Variants in PLIN3 observed in about 807,000 individuals in gnomAD.
The protein encoded by PLIN3 is perilipin 3, also known as perilipin-3.
Under a neutral mutation model 35.9 loss-of-function variants are expected in PLIN3, and 30 were observed. The ratio of observed to expected loss-of-function variants is 0.84; its 90% CI spans 0.62 to 1.13. PLIN3 has a LOEUF of 1.13. PLIN3 is among the 50% of genes most tolerant of loss of function. The pLI, the probability that PLIN3 is intolerant of heterozygous loss-of-function variation, is 0.00. For missense variants in PLIN3, 603 were observed against 596.9 expected, an observed-to-expected ratio of 1.01 and a Z score of -0.11; for synonymous variants, 261 against 262.5, an observed-to-expected ratio of 0.99 and a Z score of 0.06.
intron 7 of PLIN3, among the ~76,000 whole-genome samples, chr19:4,844,388 C>A (rs1435169988): frequency 2.0e-5 from 3 of 152,050 alleles, no homozygotes; most frequent in Non-Finnish European, 4.4e-5. Context: ...ATCACTCGAA[C>A]CCAGGAGGTG....
rs1308071705 is a variant in PLIN3 at position 4,859,669 on chromosome 19, G to A, written c.269C>T (p.Ala90Val). ...PILSKLEPQI[A>V]SASEYAHRGL... is the part of the protein sequence containing the mutation. Reference sequence around the variant, plus strand: ...CCTGTGGGCGTATTCGCTGGCTGATGCAACTGCCAACAACAATTAAGACGC... The same window carrying A: ...CCTGTGGGCGTATTCGCTGGCTGATACAACTGCCAACAACAATTAAGACGC... Residue 90 changes from alanine (A) to valine (V), a missense_variant, in exon 4 of 8, where the codon GCA becomes GTA. By Grantham distance (64) the Ala-to-Val change is moderately conservative. Coordinates refer to ENST00000221957, the MANE Select transcript of PLIN3 (RefSeq NM_005817.5). 8 of 1,613,904 alleles carry A rather than the reference G, an allele frequency of 5.0e-6. No homozygotes were observed. Among genetic ancestry groups the A allele is most frequent in the Non-Finnish European group, 6.8e-6 (8 of 1,179,924 alleles).
In PLIN3 at chr19:4,839,523, C is replaced by T. The variant is rs369340676; in HGVS notation, c.974G>A (p.Arg325Gln). 3.8e-4 allele frequency: 584 copies of T among 1,525,200 alleles called. 9 individuals are homozygous for T. The South Asian group carries it at 6.2e-3, about 16-fold the overall frequency. 94.5% of individuals were successfully genotyped at this position (1,525,200 alleles called of 1,614,324 possible). The change falls in exon 8 of 8, where the codon CGG becomes CAG. Residue 325 changes from arginine (R) to glutamine (Q), a missense_variant. Physicochemically the swap from Arg to Gln is conservative, Grantham distance 43. Transcript: ENST00000221957. ...EPPKPEQVESRALTMFRDIAQ... is the reference protein window; with the variant it reads ...EPPKPEQVESQALTMFRDIAQ... Reference sequence around the variant, plus strand: ...AATGTCCCGGAACATGGTGAGCGCCCGGGACTCGACCTGCTGAGAAGGGAG... The same window carrying T: ...AATGTCCCGGAACATGGTGAGCGCCTGGGACTCGACCTGCTGAGAAGGGAG...
At chr19:4,849,077 A>T (rs2030200937) in intron 5 of PLIN3, among the ~76,000 whole-genome samples, 1 of 150,920 alleles carries the variant, frequency 6.6e-6, no homozygotes, top group Non-Finnish European at 1.5e-5. Context: ...CTATCCTTCA[A>T]CCTTGGCCTC....
chr19:4,856,086 C>G (rs2146209860), intron 4 of PLIN3, among the ~76,000 whole-genome samples: 1 of 152,088 alleles, frequency 6.6e-6, no homozygotes, highest in East Asian at 1.9e-4. Context: ...AGCTGCCTGT[C>G]CCTGCAGGTG....
At chr19:4,855,594 G>A (rs1047775273) in intron 4 of PLIN3, among the ~76,000 whole-genome samples, 2 of 152,190 alleles carry the variant, frequency 1.3e-5, no homozygotes, top group East Asian at 3.9e-4. Flanking sequence ...CCAGGAGTTT[G>A]TTTTTTGTTT....
In PLIN3 at chr19:4,844,663, G is replaced by A. The variant is rs1222230549; in HGVS notation, c.960+5C>T. On this transcript the variant is annotated splice_donor_5th_base_variant and intron_variant, in intron 7 of 7. Coordinates refer to ENST00000221957, the MANE Select transcript of PLIN3 (RefSeq NM_005817.5). ...TAGGCCACCCCCCAGTCCCCTCATG[G>A]GTACCTCTGGCTTGGGCGGCTCCTT... is the stretch of plus-strand genomic sequence containing the variant. 6.2e-7 allele frequency: 1 copy of A among 1,607,270 alleles called. No homozygotes were observed. Among genetic ancestry groups the A allele is most frequent in the Non-Finnish European group, 8.5e-7 (1 of 1,177,514 alleles).
intron 4 of PLIN3, among the ~76,000 whole-genome samples, chr19:4,856,529 G>C (rs1008539122): frequency 2.7e-4 from 41 of 151,514 alleles, no homozygotes; most frequent in Middle Eastern, 3.4e-3. Flanking sequence ...TTGCACTCCA[G>C]CCTGGGCAAC....
chr19:4,851,767 G>T (rs1377455248), intron 5 of PLIN3, among the ~76,000 whole-genome samples: 3 of 151,982 alleles, frequency 2.0e-5, no homozygotes, highest in African/African-American at 7.2e-5. Flanking sequence ...GCAGAGGGAC[G>T]GGTTCTGACT....
At chr19:4,844,921 G>C in intron 6 of PLIN3, 128 bp from the exon 7 acceptor site, 2 of 1,112,046 alleles carry the variant, frequency 1.8e-6, no homozygotes, top group Non-Finnish European at 2.5e-6. Context: ...AGGGAGGGAG[G>C]GAGGAAGGGT....
intron 5 of PLIN3, among the ~76,000 whole-genome samples, chr19:4,851,588 G>T: frequency 6.6e-6 from 1 of 152,152 alleles, no homozygotes; most frequent in Non-Finnish European, 1.5e-5. Context: ...TGTTGTCACA[G>T]TTCAGTGAGA....
chr19:4,852,866 GT>G (rs1252444688), intron 4 of PLIN3, among the ~76,000 whole-genome samples: 2 of 152,090 alleles, frequency 1.3e-5, no homozygotes, highest in African/African-American at 4.8e-5. Context: ...CCAGGCTGGA[GT>G]GCAATTGTGT....
intron 7 of PLIN3, among the ~76,000 whole-genome samples, chr19:4,842,813 A>G (rs1031939420): frequency 6.6e-6 from 1 of 152,096 alleles, no homozygotes; most frequent in African/African-American, 2.4e-5. Flanking sequence ...CAGGTGGTCT[A>G]GTTCTGCCTC....
rs118115144 is a variant in PLIN3, at chr19:4,845,522, C to T, written c.835-729G>A. On this transcript the variant is annotated intron_variant, in intron 6 of 7. Transcript: ENST00000221957. Reference sequence around the variant, plus strand: ...AGCAGGCTGACTTCTGCAATCCCAGCGCTTTGGGAGGCCAAGGGGGTTGGA... The same window carrying T: ...AGCAGGCTGACTTCTGCAATCCCAGTGCTTTGGGAGGCCAAGGGGGTTGGA... Among the ~76,000 whole-genome samples the T allele has an allele frequency of 4.9e-4, 75 of 152,248 alleles. 1 individual carries two copies. The East Asian group carries it at 0.012, about 25-fold the overall frequency.
chr19:4,864,898 A>G (rs1026090983), intron 1 of PLIN3, among the ~76,000 whole-genome samples: 2 of 152,098 alleles, frequency 1.3e-5, no homozygotes, highest in African/African-American at 4.8e-5. Flanking sequence ...TACCTGTAAT[A>G]TGAGGCTAAA....
At position 4,844,202 on chromosome 19, in the gene PLIN3, G is replaced by A. The variant is rs147538708; in HGVS notation, c.960+466C>T. ...CTAGGGGCCGGGCTCAGTAGCTCAC[G>A]CTTGTAATCCCAACACTTTGGGAGG... On this transcript the variant is annotated intron_variant, in intron 7 of 7. Coordinates refer to ENST00000221957, the MANE Select transcript of PLIN3 (RefSeq NM_005817.5). Among the ~76,000 whole-genome samples the A allele has an allele frequency of 5.8e-3, 877 of 152,196 alleles. 6 individuals are homozygous for A. The highest frequency in any genetic ancestry group is 9.2e-3 in the Non-Finnish European group (628 of 68,022).
intron 4 of PLIN3, among the ~76,000 whole-genome samples, chr19:4,856,539 C>T (rs2030481924): frequency 1.3e-5 from 2 of 151,638 alleles, no homozygotes; most frequent in Admixed American, 1.3e-4. Context: ...GCCTGGGCAA[C>T]AAGAGCAACA....
rs2093625689 is a variant in PLIN3, at chr19:4,839,434, C to T, written c.1063G>A (p.Val355Met). ...GSSIQGLPTNVKDQVQQARRQ... is the reference protein window; with the variant it reads ...GSSIQGLPTNMKDQVQQARRQ... ...CGGGCCTGCTGCACCTGGTCCTTCA[C>T]ATTGGTGGGGAGGCCCTGAATGCTG... is the stretch of plus-strand genomic sequence containing the variant. Residue 355 changes from valine (V) to methionine (M), a missense_variant, in exon 8 of 8, where the codon GTG (valine) becomes ATG (methionine). By Grantham distance (21) the Val-to-Met change is conservative. Transcript: ENST00000221957. 1.2e-6 allele frequency: 2 copies of T among 1,602,040 alleles called. No individual in the cohort carries two copies. The highest frequency in any genetic ancestry group is 1.3e-5 in the African/African-American group (1 of 74,878).
At chr19:4,846,000 G>A (rs1469676579) in intron 6 of PLIN3, among the ~76,000 whole-genome samples, 10 of 150,366 alleles carry the variant, frequency 6.7e-5, no homozygotes, top group East Asian at 3.9e-4. Context: ...CGAGGCGGGC[G>A]GATCAAGAGG....
At chr19:4,846,676 G>A (rs2030108529) in intron 6 of PLIN3, among the ~76,000 whole-genome samples, 2 of 152,016 alleles carry the variant, frequency 1.3e-5, no homozygotes, top group African/African-American at 4.8e-5. Context: ...TCCCGCCTGG[G>A]CAACAGAGCG....
Sources: allele counts gnomAD v4.1 joint callset (sites outside exome capture counted in the v4.1 genomes callset), GRCh38; gene constraint gnomAD v4.1.1; transcripts MANE v1.5; gene names NCBI Gene and HGNC (gene_info 2026-07-23, HGNC 2026-07-21).